Variants in SIRT4 observed in about 807,000 individuals in gnomAD.
The protein encoded by SIRT4 is NAD-dependent protein lipoamidase sirtuin-4, mitochondrial.
Under a neutral mutation model 26.1 loss-of-function variants are expected in SIRT4, and 23 were observed. The observed-to-expected ratio is 0.88, with a 90% CI of 0.63 to 1.25. The LOEUF is 1.25. Among genes scored for constraint, SIRT4 ranks in the 50% most tolerant of loss-of-function variants. The probability of loss-of-function intolerance (pLI) is 0.00; values close to 1 mark genes in which losing one functional copy is unlikely to be tolerated. For missense variants in SIRT4, 361 were observed against 405.4 expected, an observed-to-expected ratio of 0.89 and a Z score of 0.94; for synonymous variants, 155 against 158.4, an observed-to-expected ratio of 0.98 and a Z score of 0.16.
chr12:120,291,845 A>G, the SIRT4 span: 12 of 152,282 alleles, frequency 7.9e-5, no homozygotes, highest in Admixed American at 5.9e-4. Flanking sequence ...GTTTTCAATT[A>G]GCAATAATCG....
At chr12:120,305,889 G>A (rs1287883611) in intron 2 of SIRT4, among the ~76,000 whole-genome samples, 1 of 152,032 alleles carries the variant, frequency 6.6e-6, no homozygotes, top group Non-Finnish European at 1.5e-5. Context: ...GCGGACGCCT[G>A]TAGTCCCAGC....
chr12:120,310,742 C>CTT (rs563276611), intron 2 of SIRT4, among the ~76,000 whole-genome samples: 1 of 143,316 alleles, frequency 7.0e-6, no homozygotes, highest in Non-Finnish European at 1.5e-5. Flanking sequence ...GACCCTGTCT[C>CTT]TTTTTTTTTT....
chr12:120,292,495 T>G, the SIRT4 span, among the ~76,000 whole-genome samples: 1 of 152,066 alleles, frequency 6.6e-6, no homozygotes, highest in South Asian at 2.1e-4. Flanking sequence ...TCCCAGCTAG[T>G]CGGGAGGCTG....
Position 120,313,167 on chromosome 12 carries a change from A to C in SIRT4, c.*131A>C. 2.1e-6 allele frequency: 2 copies of C among 964,598 alleles called. No individual in the cohort carries two copies. The highest frequency in any genetic ancestry group is 3.2e-5 in the South Asian group (2 of 63,376). The allele number at this position is 964,598 out of a possible 1,614,324, so 59.8% of individuals were successfully genotyped here. A position where few individuals can be genotyped will look rare whatever the true frequency, so the allele number is the denominator to read the frequency against. On this transcript the variant is annotated 3_prime_UTR_variant, in exon 4 of 4. Coordinates refer to ENST00000202967, the MANE Select transcript of SIRT4 (RefSeq NM_012240.3). ...GTAGGGTGCACTGACAAAGTATAGA[A>C]GGTTCTAGGTATCTTAATGTGTGGA...
At chr12:120,292,429 G>C in the SIRT4 span, among the ~76,000 whole-genome samples, 1 of 151,976 alleles carries the variant, frequency 6.6e-6, no homozygotes, top group East Asian at 1.9e-4. Context: ...GGTGAAACGG[G>C]GTCGCTACTA....
chr12:120,292,308 G>A, the SIRT4 span, among the ~76,000 whole-genome samples: 33 of 152,152 alleles, frequency 2.2e-4, 1 homozygote, highest in Non-Finnish European at 2.8e-4. Context: ...GACAAAATCT[G>A]AATGGAGAAC....
chr12:120,291,860 T>TG, the SIRT4 span: 1 of 152,234 alleles, frequency 6.6e-6, no homozygotes, highest in East Asian at 1.9e-4. Flanking sequence ...TAATCGCGCC[T>TG]CGGATAAACC....
At chr12:120,302,795 C>T (rs1487303807) in intron 1 of SIRT4, among the ~76,000 whole-genome samples, 1 of 150,942 alleles carries the variant, frequency 6.6e-6, no homozygotes, top group Non-Finnish European at 1.5e-5. Context: ...TCTCGGCTCA[C>T]TGCAACCTCC....
At chr12:120,293,070 C>CTGT in the SIRT4 span, 2 of 110,786 alleles carry the variant, frequency 1.8e-5, no homozygotes, top group South Asian at 8.1e-4. Flanking sequence ...AAAAAAGCCT[C>CTGT]TGTTGTTCAA....
At chr12:120,303,050 C>T (rs1037087238) in intron 1 of SIRT4, among the ~76,000 whole-genome samples, 2 of 151,814 alleles carry the variant, frequency 1.3e-5, no homozygotes, top group Non-Finnish European at 2.9e-5. Context: ...GAAAAGCTGA[C>T]GGGCAGGGGT....
chr12:120,292,333 T>C, the SIRT4 span, among the ~76,000 whole-genome samples: 53 of 152,260 alleles, frequency 3.5e-4, no homozygotes, highest in African/African-American at 1.2e-3. Context: ...CTGGGCGCGG[T>C]GGCTCACGCC....
At chr12:120,305,665 C>G (rs969772460) in intron 2 of SIRT4, among the ~76,000 whole-genome samples, 2 of 152,140 alleles carry the variant, frequency 1.3e-5, no homozygotes, top group Non-Finnish European at 2.9e-5. Context: ...CCCAAGGAGG[C>G]TTCCGTGGGC....
upstream of SIRT4, among the ~76,000 whole-genome samples, chr12:120,299,251 TA>T (rs1872458822): frequency 2.6e-5 from 3 of 116,638 alleles, no homozygotes; most frequent in Non-Finnish European, 5.6e-5. Context: ...ATAAATACAA[TA>T]ATAATAATAA....
intron 2 of SIRT4, 96 bp from the exon 3 acceptor site, chr12:120,312,360 G>C (rs1214192154): frequency 8.7e-7 from 1 of 1,147,850 alleles, no homozygotes; most frequent in Middle Eastern, 3.0e-4. Context: ...AGAAAGCAGC[G>C]ATGGAAGGGC....
In SIRT4 at chr12:120,312,493, G is replaced by A. The variant is rs761906475; in HGVS notation, c.535G>A (p.Gly179Arg). The change falls in exon 3 of 4, where the codon GGG becomes AGG. Residue 179 changes from glycine to arginine, a missense_variant. Transcript: ENST00000202967. ...CLDCGEQTPR[G>R]VLQERFQVLN... is the part of the protein sequence containing the mutation. ...GGATTGTGGGGAACAGACTCCCCGG[G>A]GGGTGCTGCAAGAGCGTTTCCAAGT... 3.1e-6 allele frequency: 5 copies of A among 1,613,888 alleles called. No individual in the cohort carries two copies. Among genetic ancestry groups the A allele is most frequent in the African/African-American group, 2.7e-5 (2 of 74,886 alleles).
intron 2 of SIRT4, among the ~76,000 whole-genome samples, chr12:120,307,894 A>G (rs1447909921): frequency 6.6e-6 from 1 of 152,114 alleles, no homozygotes; most frequent in African/African-American, 2.4e-5. Context: ...AGAAAAGCAC[A>G]TAATTAATGA....
intron 2 of SIRT4, among the ~76,000 whole-genome samples, chr12:120,310,376 G>A (rs930293448): frequency 6.6e-6 from 1 of 151,930 alleles, no homozygotes; most frequent in Non-Finnish European, 1.5e-5. Context: ...AAAAAACAAA[G>A]ACAAGCCAAA....
chr12:120,303,590 G>C lies in SIRT4; in HGVS notation c.29G>C (p.Arg10Thr). The stretch of plus-strand genomic sequence containing the variant: ...AAGATGAGCTTTGCGTTGACTTTCA[G>C]GTCAGCAAAAGGCCGTTGGATCGCA... Reference protein sequence around the residue: MKMSFALTFRSAKGRWIANP... With the variant: MKMSFALTFTSAKGRWIANP... Residue 10 changes from arginine to threonine, a missense_variant, in exon 2 of 4, where the codon AGG (arginine) becomes ACG (threonine). Physicochemically the swap from Arg to Thr is moderately conservative, Grantham distance 71 (BLOSUM62 -1). Transcript: ENST00000202967. 6.2e-7 allele frequency: 1 copy of C among 1,613,534 alleles called. No homozygotes were observed. The highest frequency in any genetic ancestry group is 2.2e-5 in the East Asian group (1 of 44,874).
chr12:120,292,791 C>T, the SIRT4 span, among the ~76,000 whole-genome samples: 19 of 150,608 alleles, frequency 1.3e-4, no homozygotes, highest in Non-Finnish European at 1.6e-4. Flanking sequence ...CCAGCCTGAG[C>T]GACAGACTTC....
Sources: gnomAD v4.1 joint callset for allele counts (sites outside exome capture counted in the v4.1 genomes callset) on GRCh38, gnomAD v4.1.1 for gene constraint, MANE v1.5 for transcripts, NCBI Gene and HGNC (gene_info 2026-07-23, HGNC 2026-07-21) for gene names.